Variants in SLCO1B3 observed in about 807,000 individuals in gnomAD.
SLCO1B3 encodes the protein solute carrier organic anion transporter family member 1B3, also known as liver-specific organic anion transporter 2.
SLCO1B3 carries 72 observed loss-of-function variants against 71.8 expected under a neutral mutation model. The observed-to-expected ratio is 1.00, with a 90% CI of 0.83 to 1.22. The LOEUF is 1.22. SLCO1B3 is among the 50% of genes most tolerant of loss of function. The pLI is 0.00. For missense variants in SLCO1B3, 911 were observed against 819.7 expected (o/e 1.11, Z -1.36); for synonymous variants, 298 against 278.4 (o/e 1.07, Z -0.70).
chr12:20,859,285 G>A (rs1010510582), intron 5 of SLCO1B3, among the ~76,000 whole-genome samples: 1 of 152,066 alleles, frequency 6.6e-6, no homozygotes, highest in Non-Finnish European at 1.5e-5. Context: ...AGTCAGTTAC[G>A]TTTTACACAT....
At chr12:20,812,865 T>A (rs1591736809) in intron 1 of SLCO1B3, among the ~76,000 whole-genome samples, 1 of 89,120 alleles carries the variant, frequency 1.1e-5, no homozygotes, top group Non-Finnish European at 3.0e-5. Context: ...GCCTTGCAAG[T>A]CGTTCAAAAA....
intron 3 of SLCO1B3, among the ~76,000 whole-genome samples, chr12:20,849,820 T>A (rs1864989008): frequency 6.6e-6 from 1 of 151,416 alleles, no homozygotes; most frequent in African/African-American, 2.4e-5. Context: ...TATCATAGCA[T>A]CTCAAAAATA....
intron 12 of SLCO1B3, among the ~76,000 whole-genome samples, chr12:20,882,727 A>C (rs748437685): frequency 6.6e-6 from 1 of 152,148 alleles, no homozygotes; most frequent in African/African-American, 2.4e-5. Flanking sequence ...GTTCTCCTTC[A>C]GTAAATAGTC....
intron 3 of SLCO1B3, among the ~76,000 whole-genome samples, chr12:20,831,255 G>C (rs1025287899): frequency 2.6e-5 from 4 of 151,658 alleles, no homozygotes; most frequent in African/African-American, 9.7e-5. Context: ...TACTTAGGAG[G>C]CTGAGGCAGA....
rs371097217 is a variant in SLCO1B3, at chr12:20,909,349, A to G, written c.1866-6655A>G. Among the ~76,000 whole-genome samples the G allele has an allele frequency of 1.2e-3, 113 of 94,998 alleles. 1 individual carries two copies. The highest frequency in any genetic ancestry group is 3.6e-3 in the African/African-American group (108 of 29,594). 62.3% of individuals were successfully genotyped at this position (94,998 alleles called of 152,430 possible). ...CCTGGCTAATTTTTTTTTTTTTTGT[A>G]TTTTTAGTAGAGACAGGGTTTCGCC... On this transcript the variant is annotated intron_variant, in intron 15 of 15. Coordinates refer to ENST00000381545, the MANE Select transcript of SLCO1B3 (RefSeq NM_019844.4).
At chr12:20,852,141 T>C (rs773681114) in intron 3 of SLCO1B3, among the ~76,000 whole-genome samples, 8 of 152,180 alleles carry the variant, frequency 5.3e-5, no homozygotes, top group Non-Finnish European at 8.8e-5. Context: ...CAGGGTGCCT[T>C]TGGATTCTCT....
Position 20,877,854 on chromosome 12 carries a change from C to A in SLCO1B3, c.1053C>A (p.Ser351Arg). The change falls in exon 10 of 16, where the codon AGC becomes AGA. Residue 351 changes from serine to arginine, a missense_variant. Coordinates refer to ENST00000381545, the MANE Select transcript of SLCO1B3 (RefSeq NM_019844.4). Reference sequence around the variant, plus strand: ...TTTTGACATTGTTACAAGTAAGCAGCTTTATTGGTTCTTTTACTTACGTCT... The same window carrying A: ...TTTTGACATTGTTACAAGTAAGCAGATTTATTGGTTCTTTTACTTACGTCT... The part of the protein sequence containing the change: ...FLLLTLLQVS[S>R]FIGSFTYVFK... 6.3e-7 allele frequency: 1 copy of A among 1,587,920 alleles called. No homozygotes were observed. Among genetic ancestry groups the A allele is most frequent in the Non-Finnish European group, 8.6e-7 (1 of 1,167,224 alleles).
chr12:20,909,432 C>T (rs925013405), intron 15 of SLCO1B3, among the ~76,000 whole-genome samples: 9 of 151,740 alleles, frequency 5.9e-5, no homozygotes, highest in Non-Finnish European at 1.2e-4. Flanking sequence ...CTTGGCCTCC[C>T]AAAGTGCTGG....
At chr12:20,833,878 G>T (rs11045540) in intron 3 of SLCO1B3, among the ~76,000 whole-genome samples, 20,416 of 125,642 alleles carry the variant, frequency 0.16, 1,471 homozygotes, top group Middle Eastern at 0.2. Flanking sequence ...TATATATAGT[G>T]TATGTATACA....
At chr12:20,812,590 A>G (rs1035423951) in intron 1 of SLCO1B3, among the ~76,000 whole-genome samples, 3 of 152,158 alleles carry the variant, frequency 2.0e-5, no homozygotes, top group African/African-American at 4.8e-5. Context: ...GGGAAATGGG[A>G]CTAAAAACTT....
chr12:20,815,760 A>C lies in SLCO1B3; in HGVS notation c.22A>C (p.Asn8His). Residue 8 changes from asparagine (N) to histidine (H), a missense_variant, in exon 3 of 16, where the codon AAT (asparagine) becomes CAT (histidine). Physicochemically the swap from Asn to His is moderately conservative, Grantham distance 68 (BLOSUM62 1). Transcript: ENST00000381545. ...AATAATGGACCAACATCAACATTTG[A>C]ATAAAACAGCAGAGTCAGCATCTTC... MDQHQHLNKTAESASSEK... is the reference protein window; with the variant it reads MDQHQHLHKTAESASSEK... The C allele has an allele frequency of 6.3e-7, 1 of 1,596,918 alleles. No individual in the cohort carries two copies. Among genetic ancestry groups the C allele is most frequent in the Non-Finnish European group, 8.6e-7 (1 of 1,169,538 alleles).
intron 4 of SLCO1B3, among the ~76,000 whole-genome samples, chr12:20,858,020 A>AT (rs201395594): frequency 1.5e-4 from 22 of 151,598 alleles, no homozygotes; most frequent in South Asian, 6.3e-4. Flanking sequence ...AAGTACCACG[A>AT]TTTTTTTTTA....
At chr12:20,870,085 G>A (rs1017497330) in intron 8 of SLCO1B3, among the ~76,000 whole-genome samples, 1 of 152,078 alleles carries the variant, frequency 6.6e-6, no homozygotes, top group African/African-American at 2.4e-5. Flanking sequence ...ATGATAATAA[G>A]TGATGTTGGA....
At chr12:20,888,454 T>C (rs1865834233) in intron 13 of SLCO1B3, among the ~76,000 whole-genome samples, 2 of 152,010 alleles carry the variant, frequency 1.3e-5, no homozygotes, top group South Asian at 4.1e-4. Context: ...ATATTCATTG[T>C]AAATGGGATT....
intron 13 of SLCO1B3, among the ~76,000 whole-genome samples, chr12:20,890,042 C>A (rs759631146): frequency 5.3e-5 from 8 of 151,866 alleles, no homozygotes; most frequent in Non-Finnish European, 1.0e-4. Context: ...CTCAGCCTCC[C>A]TAGTAGCTGG....
chr12:20,826,798 T>C (rs79234887), intron 3 of SLCO1B3, among the ~76,000 whole-genome samples: 1,914 of 152,184 alleles, frequency 0.013, 46 homozygotes, highest in African/African-American at 0.043. Flanking sequence ...TCTTATATAC[T>C]AGTTTCTTTC....
rs1330167979 is a variant in SLCO1B3 at position 20,916,602 on chromosome 12, A to T, written c.*355A>T. On this transcript the variant is annotated 3_prime_UTR_variant, in exon 16 of 16. Transcript: ENST00000381545. ...GAAAAGCCTGATGCCTTTAAAAAAA[A>T]TGAAACACTTTGGATGTATTACTTA... is the stretch of plus-strand genomic sequence containing the variant. 2 of 157,408 alleles carry T rather than the reference A, an allele frequency of 1.3e-5. No individual in the cohort carries two copies. The highest frequency in any genetic ancestry group is 6.3e-5 in the Admixed American group (1 of 15,806). 9.8% of individuals were successfully genotyped at this position (157,408 alleles called of 1,614,324 possible). A position where few individuals can be genotyped will look rare whatever the true frequency, so the allele number is the denominator to read the frequency against.
Position 20,815,731 on chromosome 12 carries a change from G to A in SLCO1B3, c.-8G>A, listed in dbSNP as rs1389051273. On this transcript the variant is annotated 5_prime_UTR_variant, in exon 3 of 16. Coordinates refer to ENST00000381545, the MANE Select transcript of SLCO1B3 (RefSeq NM_019844.4). ...TAAAAATATTCACTTGGTATCTGTA[G>A]TTTAATAATGGACCAACATCAACAT... The A allele has an allele frequency of 6.5e-7, 1 of 1,547,720 alleles. No homozygotes were observed. Among genetic ancestry groups the A allele is most frequent in the Non-Finnish European group, 8.8e-7 (1 of 1,131,964 alleles).
chr12:20,878,746 G>T (rs2217697), intron 10 of SLCO1B3, among the ~76,000 whole-genome samples: 110,102 of 152,000 alleles, frequency 0.72, 42,473 homozygotes, highest in South Asian at 0.9. Context: ...TTTGTTAGAG[G>T]AATCTTCACC....
Sources: gnomAD v4.1 joint callset for allele counts (sites outside exome capture counted in the v4.1 genomes callset) on GRCh38, gnomAD v4.1.1 for gene constraint, MANE v1.5 for transcripts, NCBI Gene and HGNC (gene_info 2026-07-23, HGNC 2026-07-21) for gene names.